HOOK3: variants seen among roughly 807,000 people sequenced by gnomAD.
HOOK3 encodes protein Hook homolog 3.
A neutral mutation model predicts 116.3 loss-of-function variants in HOOK3; 24 were observed. That is an observed-to-expected ratio of 0.21 (90% CI 0.15 to 0.29). HOOK3 has a LOEUF of 0.29. Ranked by LOEUF, HOOK3 falls within the 10% of genes least tolerant of loss-of-function variation. HOOK3 has a pLI of 1.00. For missense variants in HOOK3, 632 were observed against 830.2 expected, an observed-to-expected ratio of 0.76 and a Z score of 2.93; for synonymous variants, 275 against 283.0, an observed-to-expected ratio of 0.97 and a Z score of 0.28.
At chr8:42,971,566 G>A (rs1268899202) in intron 11 of HOOK3, among the ~76,000 whole-genome samples, 1 of 152,158 alleles carries the variant, frequency 6.6e-6, no homozygotes, top group Non-Finnish European at 1.5e-5. Context: ...ACTGTGCCTG[G>A]CCACTTTATT....
At chr8:42,991,825 G>C (rs1286436377) in intron 15 of HOOK3, among the ~76,000 whole-genome samples, 1 of 152,052 alleles carries the variant, frequency 6.6e-6, no homozygotes, top group East Asian at 1.9e-4. Flanking sequence ...CTGGGCTCAG[G>C]CTATCCTCCT....
intron 6 of HOOK3, among the ~76,000 whole-genome samples, chr8:42,953,782 A>G (rs924937830): frequency 1.3e-5 from 2 of 152,142 alleles, no homozygotes; most frequent in Non-Finnish European, 2.9e-5. Flanking sequence ...CACAATATAA[A>G]GGAAAATTCA....
In HOOK3 at chr8:43,026,919, T is replaced by C. The variant is rs1197057933; in HGVS notation, c.*8421T>C. On this transcript the variant is annotated 3_prime_UTR_variant, in exon 22 of 22. Transcript: ENST00000307602. Reference sequence around the variant, plus strand: ...TTTTGAGATGGAGTCTCACTCTGAGTCTCACTCTGTTGCCCAGGCTGGAGT... The same window carrying C: ...TTTTGAGATGGAGTCTCACTCTGAGCCTCACTCTGTTGCCCAGGCTGGAGT... The C allele has an allele frequency of 5.4e-6, 1 of 185,864 alleles. No individual in the cohort carries two copies. The highest frequency in any genetic ancestry group is 1.1e-5 in the Non-Finnish European group (1 of 88,014). The allele number at this position is 185,864 out of a possible 1,614,324, so 11.5% of individuals were successfully genotyped here.
At chr8:42,912,425 T>G (rs1341358518) in intron 2 of HOOK3, among the ~76,000 whole-genome samples, 1 of 152,208 alleles carries the variant, frequency 6.6e-6, no homozygotes, top group Admixed American at 6.5e-5. Context: ...GATAGACTTT[T>G]TAAGAGCTGT....
At chr8:42,921,814 A>G (rs34320052) in intron 2 of HOOK3, among the ~76,000 whole-genome samples, 7,240 of 152,296 alleles carry the variant, frequency 0.048, 230 homozygotes, top group South Asian at 0.086. Flanking sequence ...TTATGGAGGA[A>G]TAGGAAAAGG....
At chr8:42,919,247 G>A (rs1279858295) in intron 2 of HOOK3, among the ~76,000 whole-genome samples, 3 of 149,784 alleles carry the variant, frequency 2.0e-5, no homozygotes, top group Admixed American at 2.0e-4. Flanking sequence ...CCGGGCAGAG[G>A]GGCTCCTCAC....
intron 9 of HOOK3, among the ~76,000 whole-genome samples, chr8:42,965,619 C>T (rs1808619460): frequency 6.6e-6 from 1 of 152,154 alleles, no homozygotes; most frequent in South Asian, 2.1e-4. Context: ...CTTGTTTCTT[C>T]CCTAGCCATA....
At chr8:43,016,665 A>T (rs539157791) in intron 21 of HOOK3, among the ~76,000 whole-genome samples, 12 of 152,372 alleles carry the variant, frequency 7.9e-5, no homozygotes, top group Non-Finnish European at 1.3e-4. Context: ...TTGAAATGTG[A>T]AAGTGGAAAA....
intron 1 of HOOK3, among the ~76,000 whole-genome samples, chr8:42,903,010 C>A (rs919518556): frequency 6.6e-6 from 1 of 152,098 alleles, no homozygotes; most frequent in African/African-American, 2.4e-5. Flanking sequence ...GTGCTTATTT[C>A]TTTTAAGTGC....
rs367925456 is a variant in HOOK3 at position 42,897,102 on chromosome 8, G to A, written c.-30G>A. 2.8e-3 allele frequency: 3,495 copies of A among 1,240,906 alleles called. 5 individuals are homozygous for A. Among genetic ancestry groups the A allele is most frequent in the Non-Finnish European group, 3.2e-3 (3,180 of 987,878 alleles). The allele number at this position is 1,240,906 out of a possible 1,614,324, so 76.9% of individuals were successfully genotyped here. On this transcript the variant is annotated 5_prime_UTR_variant, in exon 1 of 22. Coordinates refer to ENST00000307602, the MANE Select transcript of HOOK3 (RefSeq NM_032410.4). ...GAGCGGCGGCGGTGTCTGGCCAGGC[G>A]GTAGGCGCTGCCTGGCCGCGGCGGG...
chr8:42,940,828 A>C (rs1004806058), intron 4 of HOOK3, among the ~76,000 whole-genome samples: 1 of 152,172 alleles, frequency 6.6e-6, no homozygotes, highest in African/African-American at 2.4e-5. Context: ...TTCCTAGATA[A>C]TATCCTGAAG....
At chr8:43,003,002 C>T (rs1038191335) in intron 17 of HOOK3, among the ~76,000 whole-genome samples, 9 of 152,102 alleles carry the variant, frequency 5.9e-5, no homozygotes, top group Non-Finnish European at 1.3e-4. Context: ...AGTCTTCTCT[C>T]TTTATCTTTA....
At chr8:42,948,263 A>C (rs1306519434) in intron 5 of HOOK3, among the ~76,000 whole-genome samples, 2 of 152,210 alleles carry the variant, frequency 1.3e-5, no homozygotes, top group African/African-American at 4.8e-5. Flanking sequence ...TGTGAATTTT[A>C]AACAGTGAAG....
At chr8:42,970,129 T>A (rs1047571248) in intron 11 of HOOK3, among the ~76,000 whole-genome samples, 1 of 152,194 alleles carries the variant, frequency 6.6e-6, no homozygotes, top group African/African-American at 2.4e-5. Context: ...AGGGATCCCT[T>A]TGAGACTCTT....
intron 17 of HOOK3, among the ~76,000 whole-genome samples, chr8:43,005,735 C>T (rs1038568891): frequency 6.6e-6 from 1 of 151,950 alleles, no homozygotes; most frequent in Non-Finnish European, 1.5e-5. Flanking sequence ...TTCACTCTGT[C>T]ACCCAGGCTG....
intron 6 of HOOK3, among the ~76,000 whole-genome samples, chr8:42,954,694 C>T (rs1808403257): frequency 6.6e-6 from 1 of 152,166 alleles, no homozygotes; most frequent in African/African-American, 2.4e-5. Flanking sequence ...GCACTGTAGT[C>T]AGCACTAGGG....
Position 43,021,312 on chromosome 8 carries a change from T to C in HOOK3, c.*2814T>C, listed in dbSNP as rs996639194. On this transcript the variant is annotated 3_prime_UTR_variant, in exon 22 of 22. Transcript: ENST00000307602. ...GAGGGGAGTTTTACTTCTGACTTTT[T>C]TTTCCCCCCGAGACGGAGCCTCGTT... is the stretch of plus-strand genomic sequence containing the variant. 1.6e-5 allele frequency: 3 copies of C among 191,750 alleles called. No homozygotes were observed. The highest frequency in any genetic ancestry group is 1.7e-4 in the East Asian group (2 of 12,072). 11.9% of individuals were successfully genotyped at this position (191,750 alleles called of 1,614,324 possible). A position where few individuals can be genotyped will look rare whatever the true frequency, so the allele number is the denominator to read the frequency against.
chr8:43,000,238 CCT>C, intron 16 of HOOK3: 2 of 1,273,592 alleles, frequency 1.6e-6, no homozygotes, highest in Non-Finnish European at 2.1e-6. Context: ...ACTAATTTGT[CCT>C]CTCTGTCTCT....
intron 11 of HOOK3, among the ~76,000 whole-genome samples, chr8:42,970,671 ACTTTT>A (rs1361216668): frequency 6.6e-6 from 1 of 151,878 alleles, no homozygotes; most frequent in Non-Finnish European, 1.5e-5. Context: ...AATGAAATTG[ACTTTT>A]ATATGTTGAT....
Sources: gnomAD v4.1 joint callset for allele counts (sites outside exome capture counted in the v4.1 genomes callset) on GRCh38, gnomAD v4.1.1 for gene constraint, MANE v1.5 for transcripts, NCBI Gene and HGNC (gene_info 2026-07-23, HGNC 2026-07-21) for gene names.